Variants in MID1 observed in about 807,000 individuals in gnomAD.
MID1 encodes E3 ubiquitin-protein ligase Midline-1.
A neutral mutation model predicts 40.4 loss-of-function variants in MID1; 7 were observed. The ratio of observed to expected loss-of-function variants is 0.17; its 90% CI spans 0.10 to 0.33. The LOEUF is 0.33. Ranked by LOEUF, MID1 falls within the 10% of genes least tolerant of loss-of-function variation. The pLI, the probability that MID1 is intolerant of heterozygous loss-of-function variation, is 1.00. For missense variants in MID1, 367 were observed against 558.5 expected, an observed-to-expected ratio of 0.66 and a Z score of 3.46; for synonymous variants, 229 against 221.2, an observed-to-expected ratio of 1.04 and a Z score of -0.31.
At chrX:10,649,889 G>C (rs1266969760) in intron 1 of MID1, among the ~76,000 whole-genome samples, 2 of 111,813 alleles carry the variant, frequency 1.8e-5, no homozygotes, top group Admixed American at 1.9e-4. Context: ...AACACTTAAC[G>C]TGTCAATCTG....
intron 1 of MID1, among the ~76,000 whole-genome samples, chrX:10,634,741 C>T (rs1414955830): frequency 1.8e-5 from 2 of 111,994 alleles, no homozygotes; most frequent in African/African-American, 6.5e-5. Context: ...GCAAGTAAGA[C>T]GAATATCGTA....
At position 10,754,449 on chromosome X, in the gene MID1, T is replaced by A. The variant is rs1313602315; in HGVS notation, c.-187+79105A>T. On this transcript the variant is annotated intron_variant, in intron 1 of 10. Transcript: ENST00000380785. ...TCACTGAAAAATGTACTCTGCTATA[T>A]TTTATGGGAAAAAAATGCTGTTGTA... Among the ~76,000 whole-genome samples the A allele has an allele frequency of 1.1e-4, 12 of 111,227 alleles. No individual in the cohort carries two copies. The Admixed American group carries it at 1.2e-3, about 11-fold the overall frequency.
At chrX:10,684,367 C>T (rs2043079200) in intron 1 of MID1, among the ~76,000 whole-genome samples, 1 of 106,957 alleles carries the variant, frequency 9.3e-6, no homozygotes, top group Non-Finnish European at 1.9e-5. Context: ...TTCTTTCTTT[C>T]TCTCTTTTCT....
chrX:10,693,614 AATATAC>A (rs2043144346), intron 1 of MID1, among the ~76,000 whole-genome samples: 1 of 112,050 alleles, frequency 8.9e-6, no homozygotes, highest in Non-Finnish European at 1.9e-5. Context: ...ATGACTATCA[AATATAC>A]ATAGCTTGAG....
chrX:10,505,485 A>C (rs926960462), intron 3 of MID1: 19 of 752,698 alleles, frequency 2.5e-5, no homozygotes, highest in Non-Finnish European at 2.8e-5. Context: ...AATGCTTCAC[A>C]CCCTTCCGTT....
rs1207082253 is a variant in MID1 at position 10,510,618 on chromosome X, G to A, written c.756+12474C>T. ...GAGGCCAAGGTGGGCAGATCACGAGGTCAGGAGATCGAGACCATCCTGGCC... is the reference window on the plus strand; with the variant it reads ...GAGGCCAAGGTGGGCAGATCACGAGATCAGGAGATCGAGACCATCCTGGCC... On this transcript the variant is annotated intron_variant, in intron 3 of 9. Coordinates refer to ENST00000317552, the MANE Select transcript of MID1 (RefSeq NM_000381.4). 3.7e-5 allele frequency among the ~76,000 whole-genome samples: 4 copies of A among 108,459 alleles called. No homozygotes were observed. In the Admixed American group the frequency reaches 3.9e-4, roughly 11 times the overall value. The allele number at this position is 108,459 out of a possible 115,157, so 94.2% of individuals were successfully genotyped here.
intron 1 of MID1, among the ~76,000 whole-genome samples, chrX:10,828,588 G>T (rs1307199072): frequency 8.9e-6 from 1 of 112,208 alleles, no homozygotes; most frequent in Non-Finnish European, 1.9e-5. Flanking sequence ...AGAGAAGAAA[G>T]AAGTCTTTAG....
chrX:10,675,627 T>C (rs2043017896), intron 1 of MID1, among the ~76,000 whole-genome samples: 1 of 111,614 alleles, frequency 9.0e-6, no homozygotes, highest in Non-Finnish European at 1.9e-5. Flanking sequence ...TGCCAGGATA[T>C]GATAAAAGGA....
intron 1 of MID1, among the ~76,000 whole-genome samples, chrX:10,601,489 A>G (rs1935517661): frequency 8.9e-6 from 1 of 112,674 alleles, no homozygotes; most frequent in Non-Finnish European, 1.9e-5. Flanking sequence ...TGCTTTATAT[A>G]GTCTATGTCG....
intron 3 of MID1, among the ~76,000 whole-genome samples, chrX:10,496,058 TA>T (rs1328123980): frequency 2.2e-4 from 24 of 110,009 alleles, no homozygotes; most frequent in African/African-American, 7.6e-4. Flanking sequence ...CTGTTAAACA[TA>T]AAAAAAGTAA....
chrX:10,805,044 T>G (rs1602587824), intron 1 of MID1, among the ~76,000 whole-genome samples: 1 of 109,297 alleles, frequency 9.1e-6, no homozygotes, highest in Non-Finnish European at 1.9e-5. Flanking sequence ...CTCCCAGTAG[T>G]TTTTTTTTGT....
intron 1 of MID1, among the ~76,000 whole-genome samples, chrX:10,783,767 G>A (rs1263622817): frequency 1.0e-5 from 1 of 98,777 alleles, no homozygotes; most frequent in Non-Finnish European, 2.3e-5. Flanking sequence ...AATAAACACA[G>A]TGCCTGCTTC....
chrX:10,742,525 T>C (rs746902976), intron 1 of MID1, among the ~76,000 whole-genome samples: 8 of 112,692 alleles, frequency 7.1e-5, no homozygotes, highest in Admixed American at 1.9e-4. Flanking sequence ...TATCTTATTA[T>C]GGTTTTTCTT....
intron 1 of MID1, among the ~76,000 whole-genome samples, chrX:10,770,833 G>T (rs1358863444): frequency 8.9e-6 from 1 of 111,822 alleles, no homozygotes; most frequent in African/African-American, 3.3e-5. Context: ...GGCTGGGTGC[G>T]GTGGCTCACG....
At chrX:10,716,845 C>A (rs957873000) in intron 1 of MID1, among the ~76,000 whole-genome samples, 4 of 112,073 alleles carry the variant, frequency 3.6e-5, no homozygotes, top group African/African-American at 1.3e-4. Context: ...CAGCTGATCT[C>A]TCGGCAGAAA....
intron 1 of MID1, among the ~76,000 whole-genome samples, chrX:10,592,820 T>TA (rs201037575): frequency 0.015 from 1,646 of 111,364 alleles, 33 homozygotes; most frequent in African/African-American, 0.051. Context: ...TCAATTAACT[T>TA]AAAAAAAATC....
At chrX:10,760,860 C>T (rs760071513) in intron 1 of MID1, among the ~76,000 whole-genome samples, 72 of 111,273 alleles carry the variant, frequency 6.5e-4, no homozygotes, top group African/African-American at 2.3e-3. Context: ...AAAAACAAAA[C>T]GGAAAAACCC....
intron 3 of MID1, among the ~76,000 whole-genome samples, chrX:10,504,281 A>G (rs1417479579): frequency 9.0e-6 from 1 of 111,517 alleles, no homozygotes; most frequent in African/African-American, 3.3e-5. Context: ...GATGCTGCTA[A>G]ACATCCTACA....
intron 1 of MID1, among the ~76,000 whole-genome samples, chrX:10,647,045 T>C (rs1415289899): frequency 1.8e-5 from 2 of 111,942 alleles, no homozygotes; most frequent in Non-Finnish European, 3.8e-5. Context: ...ACAGTACTTG[T>C]GGCATAAGAT....
Sources: allele counts gnomAD v4.1 joint callset (sites outside exome capture counted in the v4.1 genomes callset), GRCh38; gene constraint gnomAD v4.1.1; transcripts MANE v1.5; gene names NCBI Gene and HGNC (gene_info 2026-07-23, HGNC 2026-07-21).